The following MKX variants were observed in gnomAD, a reference collection of about 807,000 sequenced individuals.
MKX encodes the protein homeobox protein Mohawk.
A neutral mutation model predicts 36.0 loss-of-function variants in MKX; 13 were observed. The observed-to-expected ratio is 0.36, with a 90% CI of 0.24 to 0.57. MKX has a LOEUF of 0.57. Ranked by LOEUF, MKX falls within the 20% of genes least tolerant of loss-of-function variation. The pLI, the probability that MKX is intolerant of heterozygous loss-of-function variation, is 0.79. For missense variants in MKX, 458 were observed against 456.4 expected (o/e 1.00, Z -0.03); for synonymous variants, 176 against 178.3 (o/e 0.99, Z 0.10).
At chr10:27,704,088 G>T (rs918987746) in intron 5 of MKX, among the ~76,000 whole-genome samples, 1 of 152,094 alleles carries the variant, frequency 6.6e-6, no homozygotes, top group Non-Finnish European at 1.5e-5. Context: ...ATGGAAGAAA[G>T]GACCTGCTTA....
At chr10:27,676,728 A>G (rs1465538641) in intron 5 of MKX, among the ~76,000 whole-genome samples, 1 of 152,204 alleles carries the variant, frequency 6.6e-6, no homozygotes, top group Non-Finnish European at 1.5e-5. Context: ...TCCCTCTGCT[A>G]GTTAGCAAAT....
At chr10:27,707,006 C>T (rs951672427) in intron 5 of MKX, among the ~76,000 whole-genome samples, 5 of 152,212 alleles carry the variant, frequency 3.3e-5, no homozygotes, top group Middle Eastern at 3.2e-3. Flanking sequence ...ATGGTCACCG[C>T]GTCAGCCCCA....
chr10:27,721,336 C>T (rs547234470), intron 5 of MKX, among the ~76,000 whole-genome samples: 7 of 152,074 alleles, frequency 4.6e-5, no homozygotes, highest in South Asian at 2.1e-4. Context: ...GAAAATGGTA[C>T]GCTATTCTGT....
chr10:27,735,420 C>T (rs1834736646), intron 3 of MKX, 46 bp from the exon 4 acceptor site: 1 of 1,528,018 alleles, frequency 6.5e-7, no homozygotes, highest in Non-Finnish European at 9.0e-7. Flanking sequence ...AAAACATTAT[C>T]CATGGTGCGA....
intron 5 of MKX, among the ~76,000 whole-genome samples, chr10:27,691,535 C>T (rs917968276): frequency 6.6e-6 from 1 of 152,000 alleles, no homozygotes; most frequent in Non-Finnish European, 1.5e-5. Context: ...TCGAATGAAC[C>T]AAGATTTTTT....
At chr10:27,725,652 G>GA (rs1481097269) in intron 5 of MKX, among the ~76,000 whole-genome samples, 1 of 147,002 alleles carries the variant, frequency 6.8e-6, no homozygotes, top group African/African-American at 2.5e-5. Context: ...AGGCAGAAAG[G>GA]AAAAAACTAA....
Position 27,745,817 on chromosome 10 carries a change from A to ACCACCG in MKX, c.-194_-193insCGGTGG, listed in dbSNP as rs1421558961. 6.5e-6 allele frequency: 1 copy of ACCACCG among 153,036 alleles called. No individual in the cohort carries two copies. Among genetic ancestry groups the ACCACCG allele is most frequent in the South Asian group, 2.1e-4 (1 of 4,834 alleles). 9.5% of individuals were successfully genotyped at this position (153,036 alleles called of 1,614,324 possible). A position where few individuals can be genotyped will look rare whatever the true frequency, so the allele number is the denominator to read the frequency against. On this transcript the variant is annotated 5_prime_UTR_variant, in exon 1 of 7. Coordinates refer to ENST00000419761, the MANE Select transcript of MKX (RefSeq NM_173576.3). ...TCTCCACGCGGGCTCCAGCGCGCTC[A>ACCACCG]CCACCGCCACCGCCGTCGTCTCGGC...
At chr10:27,677,777 C>G (rs547332419) in intron 5 of MKX, among the ~76,000 whole-genome samples, 1 of 152,280 alleles carries the variant, frequency 6.6e-6, no homozygotes, top group South Asian at 2.1e-4. Flanking sequence ...AATGGAACAA[C>G]AAGTGTTAGT....
intron 3 of MKX, among the ~76,000 whole-genome samples, chr10:27,735,702 C>T (rs1034649951): frequency 6.6e-6 from 1 of 152,130 alleles, no homozygotes. Context: ...GCATACAAGA[C>T]ATTAAAATGA....
chr10:27,715,079 C>A (rs979672670), intron 5 of MKX, among the ~76,000 whole-genome samples: 1 of 151,412 alleles, frequency 6.6e-6, no homozygotes, highest in African/African-American at 2.4e-5. Flanking sequence ...CTTGCTGTCC[C>A]TTTCAAAGGA....
At chr10:27,732,567 A>G (rs942088529) in intron 5 of MKX, among the ~76,000 whole-genome samples, 1 of 152,084 alleles carries the variant, frequency 6.6e-6, no homozygotes, top group Non-Finnish European at 1.5e-5. Context: ...TATTGTTTTA[A>G]AAGAGTCAAC....
intron 5 of MKX, among the ~76,000 whole-genome samples, chr10:27,716,177 C>A (rs543963461): frequency 6.6e-6 from 1 of 152,158 alleles, no homozygotes; most frequent in East Asian, 1.9e-4. Context: ...ATAATACATG[C>A]AAGTGTAGCA....
At chr10:27,722,131 G>C (rs995785991) in intron 5 of MKX, among the ~76,000 whole-genome samples, 1 of 152,044 alleles carries the variant, frequency 6.6e-6, no homozygotes, top group Non-Finnish European at 1.5e-5. Context: ...ATAATCTTGG[G>C]AGAGATCTCC....
intron 5 of MKX, among the ~76,000 whole-genome samples, chr10:27,676,336 T>C (rs1228780606): frequency 1.3e-5 from 2 of 149,918 alleles, no homozygotes; most frequent in Non-Finnish European, 3.0e-5. Context: ...TCTGGCTCAA[T>C]GATTCTATAA....
intron 5 of MKX, among the ~76,000 whole-genome samples, chr10:27,734,159 G>A (rs974228894): frequency 2.6e-5 from 4 of 151,600 alleles, no homozygotes; most frequent in African/African-American, 9.7e-5. Context: ...TCCATCTTGA[G>A]TTAATTTTTG....
intron 5 of MKX, among the ~76,000 whole-genome samples, chr10:27,701,720 TTTATA>T (rs376837105): frequency 0.016 from 2,338 of 145,322 alleles, 59 homozygotes; most frequent in African/African-American, 0.053. Flanking sequence ...ATATGACATA[TTTATA>T]TTATATTATA....
rs373289415 is a variant in MKX at position 27,676,198 on chromosome 10, CA to C, written c.839-645del. 2.5e-3 allele frequency among the ~76,000 whole-genome samples: 382 copies of C among 151,440 alleles called. 2 individuals are homozygous for C. The highest frequency in any genetic ancestry group is 8.6e-3 in the African/African-American group (356 of 41,270). ...CTGAGGTGGGAGGATTGCTTGAGCCCAGGGGGGTGAAGGTGCAGTAAGCAGT... is the reference window on the plus strand; with the variant it reads ...CTGAGGTGGGAGGATTGCTTGAGCCCGGGGGGTGAAGGTGCAGTAAGCAGT... On this transcript the variant is annotated intron_variant, in intron 5 of 6. Transcript: ENST00000419761.
intron 5 of MKX, among the ~76,000 whole-genome samples, chr10:27,724,509 C>T (rs1276522100): frequency 1.3e-5 from 2 of 152,120 alleles, no homozygotes; most frequent in Non-Finnish European, 2.9e-5. Flanking sequence ...TACTGACTCA[C>T]TTTGGGGAAG....
chr10:27,702,044 A>G (rs1419263779), intron 5 of MKX, among the ~76,000 whole-genome samples: 1 of 152,124 alleles, frequency 6.6e-6, no homozygotes, highest in Non-Finnish European at 1.5e-5. Flanking sequence ...TTAGCTTTCA[A>G]TGCAAAACTG....
Sources: gnomAD v4.1 joint callset for allele counts (sites outside exome capture counted in the v4.1 genomes callset) on GRCh38, gnomAD v4.1.1 for gene constraint, MANE v1.5 for transcripts, NCBI Gene and HGNC (gene_info 2026-07-23, HGNC 2026-07-21) for gene names.